Variants in KALRN observed in about 807,000 individuals in gnomAD.
KALRN encodes kalirin RhoGEF kinase.
A neutral mutation model predicts 353.7 loss-of-function variants in KALRN; 70 were observed. The observed-to-expected ratio is 0.20, with a 90% CI of 0.16 to 0.24. KALRN has a LOEUF of 0.24. KALRN is among the 10% of genes least tolerant of loss of function. The probability of loss-of-function intolerance (pLI) is 1.00; values close to 1 mark genes in which losing one functional copy is unlikely to be tolerated. For synonymous variants in KALRN, 1,391 were observed against 1,434.8 expected (o/e 0.97, Z 0.69); for missense variants, 2,791 against 3,756.7 (o/e 0.74, Z 6.72).
intron 33 of KALRN, among the ~76,000 whole-genome samples, chr3:124,543,543 C>G (rs938276354): frequency 1.3e-5 from 2 of 152,028 alleles, no homozygotes; most frequent in Admixed American, 6.6e-5. Flanking sequence ...CCTCTTGATC[C>G]GCCCACCTCG....
At chr3:124,465,214 T>C (rs2107763626) in intron 25 of KALRN, among the ~76,000 whole-genome samples, 1 of 152,088 alleles carries the variant, frequency 6.6e-6, no homozygotes, top group South Asian at 2.1e-4. Context: ...GAAGAAAACA[T>C]AACACCTCTA....
chr3:124,702,783 C>T (rs571861788), intron 57 of KALRN, among the ~76,000 whole-genome samples: 23 of 152,316 alleles, frequency 1.5e-4, no homozygotes, highest in African/African-American at 4.8e-4. Context: ...CACACACATA[C>T]ACTCCATACC....
chr3:124,627,356 G>C (rs1312633953), intron 34 of KALRN, among the ~76,000 whole-genome samples: 1 of 152,138 alleles, frequency 6.6e-6, no homozygotes, highest in Non-Finnish European at 1.5e-5. Context: ...GATTACTTTT[G>C]GTTTTTAATT....
chr3:124,149,626 G>A (rs1264506976), intron 1 of KALRN, among the ~76,000 whole-genome samples: 1 of 152,152 alleles, frequency 6.6e-6, no homozygotes, highest in East Asian at 1.9e-4. Context: ...CAGCCATGTC[G>A]TTTTAAAGAG....
chr3:124,628,514 CCCTTCCTTT>C (rs1444425806), intron 34 of KALRN, among the ~76,000 whole-genome samples: 1 of 77,368 alleles, frequency 1.3e-5, no homozygotes, highest in Non-Finnish European at 2.9e-5. Context: ...TCCCTTCCTT[CCCTTCCTTT>C]CCTTCCTTCC....
At chr3:124,197,903 G>A (rs1299407178) in intron 1 of KALRN, among the ~76,000 whole-genome samples, 1 of 152,106 alleles carries the variant, frequency 6.6e-6, no homozygotes, top group Admixed American at 6.5e-5. Flanking sequence ...CTCTCCGATG[G>A]TTTCCACCAG....
chr3:124,657,586 C>G, intron 40 of KALRN, 35 bp downstream of exon 40: 1 of 1,550,066 alleles, frequency 6.5e-7, no homozygotes, highest in Middle Eastern at 1.7e-4. Flanking sequence ...ATCCAGTGTC[C>G]TGGGAATCCA....
At position 124,541,469 on chromosome 3, in the gene KALRN, T is replaced by A. The variant is rs562627761; in HGVS notation, c.4936-21374T>A. On this transcript the variant is annotated intron_variant, in intron 33 of 59. Coordinates refer to ENST00000682506, the MANE Select transcript of KALRN (RefSeq NM_001388419.1). ...TATCTCAAAAAATTAAAATTAAAATTAAAAAAAAAACCCATATAATTCTTG... is the reference window on the plus strand; with the variant it reads ...TATCTCAAAAAATTAAAATTAAAATAAAAAAAAAAACCCATATAATTCTTG... Among the ~76,000 whole-genome samples, 395 of 148,262 alleles carry A rather than the reference T, an allele frequency of 2.7e-3. 2 individuals are homozygous for A. Among genetic ancestry groups the A allele is most frequent in the African/African-American group, 9.1e-3 (368 of 40,424 alleles).
At chr3:124,498,039 T>C (rs138770616) in intron 33 of KALRN, among the ~76,000 whole-genome samples, 1 of 152,296 alleles carries the variant, frequency 6.6e-6, no homozygotes, top group African/African-American at 2.4e-5. Context: ...GACTTTATTC[T>C]ACAAGTAAGG....
At chr3:124,589,991 T>C (rs1430031242) in intron 34 of KALRN, among the ~76,000 whole-genome samples, 2 of 152,222 alleles carry the variant, frequency 1.3e-5, no homozygotes, top group Non-Finnish European at 2.9e-5. Flanking sequence ...CTCCCAGGGA[T>C]GTACTCTATT....
In KALRN at chr3:124,639,552, C is replaced by T. The variant is rs575298816; in HGVS notation, c.5664+2249C>T. Reference sequence around the variant, plus strand: ...CTTTTTGCCCACTACTACTGCTAAGCTTTGCACTGCTGACAGTCTCCAGAC... The same window carrying T: ...CTTTTTGCCCACTACTACTGCTAAGTTTTGCACTGCTGACAGTCTCCAGAC... On this transcript the variant is annotated intron_variant, in intron 37 of 59. Coordinates refer to ENST00000682506, the MANE Select transcript of KALRN (RefSeq NM_001388419.1). 1.5e-4 allele frequency among the ~76,000 whole-genome samples: 23 copies of T among 152,310 alleles called. 1 individual carries two copies. The East Asian group carries it at 4.4e-3, about 29-fold the overall frequency.
At chr3:124,046,072 T>C (rs2040450711) in intron 1 of KALRN, among the ~76,000 whole-genome samples, 1 of 152,240 alleles carries the variant, frequency 6.6e-6, no homozygotes, top group Non-Finnish European at 1.5e-5. Context: ...TGTGAAATCT[T>C]AATGAGCTGT....
intron 2 of KALRN, among the ~76,000 whole-genome samples, chr3:124,228,878 G>T (rs2078861910): frequency 6.6e-6 from 1 of 150,900 alleles, no homozygotes; most frequent in Non-Finnish European, 1.5e-5. Context: ...GCTTCCAATG[G>T]CTGCTGACAT....
intron 7 of KALRN, 37 bp from the exon 8 acceptor site, chr3:124,329,824 G>C (rs1244621178): frequency 1.6e-5 from 25 of 1,601,386 alleles, no homozygotes; most frequent in Non-Finnish European, 2.0e-5. Flanking sequence ...CTCACCCCCA[G>C]TGCTCCCCCA....
intron 9 of KALRN, among the ~76,000 whole-genome samples, chr3:124,339,858 T>C (rs3772731): frequency 0.37 from 56,307 of 152,014 alleles, 10,966 homozygotes; most frequent in African/African-American, 0.5. Context: ...GATCAAATTA[T>C]GACACAAGCT....
chr3:124,677,901 A>G (rs1374983823), intron 49 of KALRN, among the ~76,000 whole-genome samples: 1 of 152,216 alleles, frequency 6.6e-6, no homozygotes, highest in Non-Finnish European at 1.5e-5. Context: ...GGTATGGTAT[A>G]CAAACTCCCT....
At chr3:124,479,705 C>A (rs2061769888) in intron 27 of KALRN, among the ~76,000 whole-genome samples, 1 of 148,726 alleles carries the variant, frequency 6.7e-6, no homozygotes, top group South Asian at 2.1e-4. Context: ...TACACATTCA[C>A]ACGATCCAGA....
At chr3:124,671,573 C>A in intron 47 of KALRN, 87 bp from the exon 48 acceptor site, 2 of 850,950 alleles carry the variant, frequency 2.4e-6, no homozygotes, top group Non-Finnish European at 3.9e-6. Context: ...CCACACGATG[C>A]CTAACACAAA....
chr3:124,093,707 A>G (rs2061259019), intron 1 of KALRN, among the ~76,000 whole-genome samples: 2 of 152,246 alleles, frequency 1.3e-5, no homozygotes, highest in African/African-American at 4.8e-5. Context: ...TGAGGGACAC[A>G]AAGATGGAGT....
Sources: allele counts gnomAD v4.1 joint callset (sites outside exome capture counted in the v4.1 genomes callset), GRCh38; gene constraint gnomAD v4.1.1; transcripts MANE v1.5; gene names NCBI Gene and HGNC (gene_info 2026-07-23, HGNC 2026-07-21).